The following DECR1 variants were observed in gnomAD, a reference collection of about 807,000 sequenced individuals.
DECR1 encodes 2,4-dienoyl-CoA reductase [(3E)-enoyl-CoA-producing], mitochondrial.
A neutral mutation model predicts 38.8 loss-of-function variants in DECR1; 44 were observed. That is an observed-to-expected ratio of 1.13 (90% CI 0.89 to 1.46). The LOEUF is 1.46. Among genes scored for constraint, DECR1 ranks in the 40% most tolerant of loss-of-function variants. DECR1 has a pLI of 0.00. For synonymous variants in DECR1, 148 were observed against 135.2 expected (o/e 1.09, Z -0.66); for missense variants, 428 against 405.5 (o/e 1.06, Z -0.48).
intron 6 of DECR1, among the ~76,000 whole-genome samples, chr8:90,037,272 AC>A (rs1235978530): frequency 3.9e-5 from 6 of 152,246 alleles, no homozygotes; most frequent in African/African-American, 1.4e-4. Flanking sequence ...CATATTAGAC[AC>A]CACAGGACTA....
intron 1 of DECR1, 169 bp from the exon 2 acceptor site, chr8:90,016,955 T>A: frequency 1.7e-6 from 1 of 581,920 alleles, no homozygotes; most frequent in Middle Eastern, 4.7e-4. Context: ...CTGTGCTTTT[T>A]AAATCAGAAA....
chr8:90,029,286 G>A (rs781375571), intron 5 of DECR1: 2 of 152,130 alleles, frequency 1.3e-5, no homozygotes, highest in Admixed American at 6.6e-5. Context: ...TTTTACAGAT[G>A]TACATGTGCT....
At chr8:90,047,267 T>C (rs1813934402) in intron 8 of DECR1, among the ~76,000 whole-genome samples, 1 of 152,142 alleles carries the variant, frequency 6.6e-6, no homozygotes, top group African/African-American at 2.4e-5. Context: ...GACCCATCAG[T>C]GTGCTGTATT....
chr8:90,004,818 C>T (rs982049095), intron 1 of DECR1, among the ~76,000 whole-genome samples: 2 of 152,146 alleles, frequency 1.3e-5, no homozygotes, highest in Admixed American at 1.3e-4. Flanking sequence ...CATGAATGAA[C>T]GTGTGTACTG....
intron 1 of DECR1, among the ~76,000 whole-genome samples, chr8:90,008,921 C>T (rs150352524): frequency 6.6e-6 from 1 of 152,288 alleles, no homozygotes; most frequent in Non-Finnish European, 1.5e-5. Flanking sequence ...CTGGGCTAAG[C>T]ATCACCATCT....
At chr8:90,020,307 C>T (rs1019455103) in intron 4 of DECR1, among the ~76,000 whole-genome samples, 5 of 152,172 alleles carry the variant, frequency 3.3e-5, no homozygotes, top group African/African-American at 2.4e-5. Flanking sequence ...AAAGCCATTT[C>T]TTGAGATTCT....
At chr8:90,038,756 CT>C (rs1563649656) in intron 6 of DECR1, among the ~76,000 whole-genome samples, 2 of 152,154 alleles carry the variant, frequency 1.3e-5, no homozygotes, top group African/African-American at 2.4e-5. Context: ...TTATGGTACT[CT>C]TCTTTTAGTA....
In DECR1 at chr8:90,023,599, T is replaced by C. The variant is rs546159645; in HGVS notation, c.565+2543T>C. On this transcript the variant is annotated intron_variant, in intron 5 of 9. Coordinates refer to ENST00000220764, the MANE Select transcript of DECR1 (RefSeq NM_001359.2). ...TTAAGAACAAATCAAATACATTTCC[T>C]CCTGATGCCAGGAGGAAAGCAATTA... Among the ~76,000 whole-genome samples the C allele has an allele frequency of 3.3e-5, 5 of 152,294 alleles. No homozygotes were observed. In the South Asian group the frequency reaches 1.0e-3, roughly 32 times the overall value.
At chr8:90,034,737 C>T (rs1813578686) in intron 5 of DECR1, among the ~76,000 whole-genome samples, 1 of 152,180 alleles carries the variant, frequency 6.6e-6, no homozygotes, top group African/African-American at 2.4e-5. Context: ...CAGGCATGAG[C>T]CACTGTGCCT....
At chr8:90,009,036 T>A (rs980430696) in intron 1 of DECR1, among the ~76,000 whole-genome samples, 2 of 152,178 alleles carry the variant, frequency 1.3e-5, no homozygotes, top group African/African-American at 2.4e-5. Flanking sequence ...TTAAGGCAGA[T>A]CATGTCCATT....
intron 2 of DECR1, among the ~76,000 whole-genome samples, chr8:90,017,760 A>G (rs1270046224): frequency 2.0e-5 from 3 of 152,226 alleles, no homozygotes; most frequent in Admixed American, 1.3e-4. Flanking sequence ...TTGTCTCAAA[A>G]GAAACATTTT....
At chr8:90,014,957 A>T (rs975980478) in intron 1 of DECR1, among the ~76,000 whole-genome samples, 1 of 152,198 alleles carries the variant, frequency 6.6e-6, no homozygotes. Flanking sequence ...TGGCAAAAGG[A>T]TATGAAAAGA....
At chr8:90,046,713 G>A (rs541041122) in intron 8 of DECR1, among the ~76,000 whole-genome samples, 1 of 152,130 alleles carries the variant, frequency 6.6e-6, no homozygotes, top group Non-Finnish European at 1.5e-5. Context: ...CCTGAGAAGA[G>A]CAACTCCAAG....
chr8:90,015,342 A>C (rs1389042773), intron 1 of DECR1, among the ~76,000 whole-genome samples: 1 of 152,202 alleles, frequency 6.6e-6, no homozygotes, highest in Non-Finnish European at 1.5e-5. Flanking sequence ...ATAAAATAGA[A>C]GTAACAATTG....
At chr8:90,027,404 TC>T (rs2130091107) in intron 5 of DECR1, among the ~76,000 whole-genome samples, 1 of 152,296 alleles carries the variant, frequency 6.6e-6, no homozygotes, top group East Asian at 1.9e-4. Flanking sequence ...ATCTGGGTGC[TC>T]CTGTATTGGG....
At chr8:90,016,558 G>T (rs1197685155) in intron 1 of DECR1, among the ~76,000 whole-genome samples, 1 of 152,120 alleles carries the variant, frequency 6.6e-6, no homozygotes, top group Admixed American at 6.5e-5. Context: ...AGAATCGCTT[G>T]AACCTGGGAG....
intron 1 of DECR1, chr8:90,015,511 A>T: frequency 2.6e-6 from 1 of 383,120 alleles, no homozygotes; most frequent in Non-Finnish European, 5.3e-6. Flanking sequence ...TTAACATCAC[A>T]TTATAAACAT....
intron 1 of DECR1, among the ~76,000 whole-genome samples, chr8:90,008,727 A>G (rs1275604964): frequency 6.6e-6 from 1 of 152,230 alleles, no homozygotes; most frequent in Non-Finnish European, 1.5e-5. Context: ...GGAATAAAAT[A>G]TCACATGTAC....
chr8:90,052,090 ATT>A lies in DECR1; in HGVS notation c.*194_*195del. 2.0e-6 allele frequency: 1 copy of A among 512,520 alleles called. No individual in the cohort carries two copies. The allele number at this position is 512,520 out of a possible 1,614,324, so 31.7% of individuals were successfully genotyped here. A position where few individuals can be genotyped will look rare whatever the true frequency, so the allele number is the denominator to read the frequency against. On this transcript the variant is annotated 3_prime_UTR_variant, in exon 10 of 10. Coordinates refer to ENST00000220764, the MANE Select transcript of DECR1 (RefSeq NM_001359.2). ...AAAATGAAATATAGTCCTTCAAAAC[ATT>A]AAAAAAAAAAAAAGGAGGCATGGGG... is the stretch of plus-strand genomic sequence containing the variant.
Sources: allele counts gnomAD v4.1 joint callset (sites outside exome capture counted in the v4.1 genomes callset), GRCh38; gene constraint gnomAD v4.1.1; transcripts MANE v1.5; gene names NCBI Gene and HGNC (gene_info 2026-07-23, HGNC 2026-07-21).